SERPINA4: variants seen among roughly 807,000 people sequenced by gnomAD.
The protein encoded by SERPINA4 is serpin family A member 4.
SERPINA4 carries 24 observed loss-of-function variants against 25.4 expected under a neutral mutation model. The observed-to-expected ratio is 0.95, with a 90% CI of 0.69 to 1.33. The LOEUF is 1.33. Ranked by LOEUF, SERPINA4 falls within the 40% of genes most tolerant of loss-of-function variation. SERPINA4 has a pLI of 0.00. For synonymous variants in SERPINA4, 242 were observed against 223.6 expected, an observed-to-expected ratio of 1.08 and a Z score of -0.73; for missense variants, 553 against 535.8, an observed-to-expected ratio of 1.03 and a Z score of -0.32.
chr14:94,568,090 G>A (rs371420389), intron 3 of SERPINA4, 39 bp from the exon 4 acceptor site: 22 of 1,610,266 alleles, frequency 1.4e-5, no homozygotes, highest in South Asian at 8.8e-5. Context: ...ATCCTGGCTT[G>A]TTCATTAATC....
Position 94,567,014 on chromosome 14 carries a change from G to A in SERPINA4, c.694G>A (p.Asp232Asn). The change falls in exon 3 of 5, where the codon GAC becomes AAC. Residue 232 changes from aspartate to asparagine, a missense_variant. Coordinates refer to ENST00000557004, the MANE Select transcript of SERPINA4 (RefSeq NM_006215.4). ...CATTTCCTCAAGGACCACTCCCAAA[G>A]ACTTCTATGTTGATGAGAACACAAC... ...PFISSRTTPKDFYVDENTTVR... is the reference protein window; with the variant it reads ...PFISSRTTPKNFYVDENTTVR... 1 of 1,614,150 alleles carries A rather than the reference G, an allele frequency of 6.2e-7. No individual in the cohort carries two copies. The highest frequency in any genetic ancestry group is 8.5e-7 in the Non-Finnish European group (1 of 1,180,026).
intron 1 of SERPINA4, 88 bp downstream of exon 1, chr14:94,561,582 C>T (rs1480564037): frequency 3.3e-5 from 37 of 1,106,098 alleles, no homozygotes; most frequent in Admixed American, 2.0e-4. Flanking sequence ...GATAATTCTT[C>T]TGGGATATAT....
At position 94,563,627 on chromosome 14, in the gene SERPINA4, C is replaced by A. The variant is rs775255169; in HGVS notation, c.145C>A (p.Leu49Ile). 20 of 1,613,920 alleles carry A rather than the reference C, an allele frequency of 1.2e-5. No homozygotes were observed. The highest frequency in any genetic ancestry group is 1.7e-5 in the Non-Finnish European group (20 of 1,180,036). ...ILETGEGSPS[L>I]KIAPANADFA... ...GGAGACAGGTGAGGGCTCCCCCAGC[C>A]TCAAGATAGCCCCTGCCAATGCTGA... Residue 49 changes from leucine to isoleucine, a missense_variant, in exon 2 of 5, where the codon CTC becomes ATC. Leu to Ile is a conservative substitution (Grantham distance 5). Coordinates refer to ENST00000557004, the MANE Select transcript of SERPINA4 (RefSeq NM_006215.4).
At chr14:94,568,928 T>C (rs893367098) in intron 4 of SERPINA4, among the ~76,000 whole-genome samples, 3 of 150,680 alleles carry the variant, frequency 2.0e-5, no homozygotes, top group Non-Finnish European at 4.4e-5. Flanking sequence ...TGAGGCTGCA[T>C]TGGGTGCGTC....
chr14:94,563,025 A>G (rs1471190980), intron 1 of SERPINA4, among the ~76,000 whole-genome samples: 1 of 152,228 alleles, frequency 6.6e-6, no homozygotes, highest in African/African-American at 2.4e-5. Context: ...GCCATCCTCC[A>G]TGCAAAATCA....
At position 94,569,412 on chromosome 14, in the gene SERPINA4, C is replaced by T. The variant is rs143375347; in HGVS notation, c.1101C>T (p.Thr367=). 2.2e-5 allele frequency: 36 copies of T among 1,613,954 alleles called. No homozygotes were observed. Among genetic ancestry groups the T allele is most frequent in the African/African-American group, 6.7e-5 (5 of 75,032 alleles). The change falls in exon 5 of 5, where the codon ACC becomes ACT. Residue 367 remains threonine (T), a synonymous_variant. Transcript: ENST00000557004. ...CCTCCCAGAGTTTCCACAAGGCCAC[C>T]TTGGACGTGGATGAGGCTGGCACCG... ...LEASKSFHKA[T]LDVDEAGTEA...
intron 2 of SERPINA4, among the ~76,000 whole-genome samples, chr14:94,566,023 A>G (rs568797449): frequency 1.3e-5 from 2 of 152,144 alleles, no homozygotes; most frequent in Non-Finnish European, 2.9e-5. Flanking sequence ...GCCTTAGTCC[A>G]TTCACCCTAC....
At chr14:94,561,958 C>A (rs910017971) in intron 1 of SERPINA4, 4 of 1,131,160 alleles carry the variant, frequency 3.5e-6, no homozygotes, top group Non-Finnish European at 2.3e-6. Context: ...GGTCAGGGGT[C>A]AACAAACCAC....
chr14:94,564,066 T>C lies in SERPINA4; in HGVS notation c.584T>C (p.Val195Ala), dbSNP rs1413105022. 6.2e-7 allele frequency: 1 copy of C among 1,607,672 alleles called. No individual in the cohort carries two copies. Among genetic ancestry groups the C allele is most frequent in the East Asian group, 2.2e-5 (1 of 44,894 alleles). ...HVKKETRGKI[V>A]DLVSELKKDV... ...AAGAAGGAAACTCGAGGGAAGATTGTGGATTTGGTCAGTGAGCTCAAGAAG... is the reference window on the plus strand; with the variant it reads ...AAGAAGGAAACTCGAGGGAAGATTGCGGATTTGGTCAGTGAGCTCAAGAAG... The change falls in exon 2 of 5, where the codon GTG becomes GCG. Residue 195 changes from valine to alanine, a missense_variant. Transcript: ENST00000557004.
intron 4 of SERPINA4, among the ~76,000 whole-genome samples, chr14:94,568,874 A>AAAAAAG: frequency 6.8e-6 from 1 of 146,196 alleles, no homozygotes; most frequent in Non-Finnish European, 1.5e-5. Flanking sequence ...TCTCAAAAAA[A>AAAAAAG]AAAAAAAAGA....
At position 94,568,955 on chromosome 14, in the gene SERPINA4, T is replaced by C. The variant is rs1402499556; in HGVS notation, c.1084-440T>C. 3.3e-5 allele frequency among the ~76,000 whole-genome samples: 5 copies of C among 151,984 alleles called. No individual in the cohort carries two copies. The East Asian group carries it at 7.7e-4, about 23-fold the overall frequency. On this transcript the variant is annotated intron_variant, in intron 4 of 4. Transcript: ENST00000557004. ...GGGTGCGTCTGTATTAGGGAGACTT[T>C]GCAGATAAGAGAAAGAGACTCAAGA...
chr14:94,568,010 G>A, intron 3 of SERPINA4, 119 bp from the exon 4 acceptor site: 2 of 993,620 alleles, frequency 2.0e-6, no homozygotes, highest in South Asian at 1.6e-5. Context: ...GAAGCTGTTT[G>A]TGGGGACAGA....
intron 2 of SERPINA4, among the ~76,000 whole-genome samples, chr14:94,565,125 G>T (rs1045035313): frequency 6.6e-6 from 1 of 152,230 alleles, no homozygotes; most frequent in East Asian, 1.9e-4. Flanking sequence ...GGAAAGAAGA[G>T]TTGGAAGGAC....
intron 3 of SERPINA4, among the ~76,000 whole-genome samples, chr14:94,567,916 G>A (rs965580320): frequency 2.6e-5 from 4 of 152,344 alleles, no homozygotes; most frequent in Non-Finnish European, 5.9e-5. Flanking sequence ...GGGTTCCCAA[G>A]GACGGGAGAT....
In SERPINA4 at chr14:94,566,970, C is replaced by T; in HGVS notation, c.650C>T (p.Ala217Val). The T allele has an allele frequency of 6.2e-7, 1 of 1,612,150 alleles. No homozygotes were observed. Among genetic ancestry groups the T allele is most frequent in the Non-Finnish European group, 8.5e-7 (1 of 1,178,676 alleles). ...TACCTTCTTTTCATCTTCCCTTCAG[C>T]CCTGTGGGAGAAACCATTCATTTCC... ...MVLVNYIYFK[A>V]LWEKPFISSR... Residue 217 changes from alanine (A) to valine (V), a missense_variant and splice_region_variant, in exon 3 of 5, where the codon GCC (alanine) becomes GTC (valine). Physicochemically the swap from Ala to Val is moderately conservative, Grantham distance 64. Coordinates refer to ENST00000557004, the MANE Select transcript of SERPINA4 (RefSeq NM_006215.4).
chr14:94,564,163 C>T, intron 2 of SERPINA4, 32 bp downstream of exon 2: 3 of 1,584,290 alleles, frequency 1.9e-6, no homozygotes, highest in Non-Finnish European at 2.6e-6. Context: ...TATGCTAAAT[C>T]CACACCACCG....
intron 1 of SERPINA4, among the ~76,000 whole-genome samples, chr14:94,563,013 T>G (rs1188748927): frequency 6.6e-6 from 1 of 152,164 alleles, no homozygotes; most frequent in East Asian, 1.9e-4. Context: ...ACTCTGAGGA[T>G]AGCCATCCTC....
chr14:94,563,966 G>T lies in SERPINA4; in HGVS notation c.484G>T (p.Val162Phe). ...AAAATTCCTGAATGACACCATGGCC[G>T]TCTATGAGGCTAAACTCTTCCACAC... is the stretch of plus-strand genomic sequence containing the variant. ...LAKFLNDTMA[V>F]YEAKLFHTNF... The change falls in exon 2 of 5, where the codon GTC becomes TTC. Residue 162 changes from valine (V) to phenylalanine (F), a missense_variant. Physicochemically the swap from Val to Phe is conservative, Grantham distance 50 (BLOSUM62 -1). Coordinates refer to ENST00000557004, the MANE Select transcript of SERPINA4 (RefSeq NM_006215.4). 1.9e-6 allele frequency: 3 copies of T among 1,614,154 alleles called. No individual in the cohort carries two copies. Among genetic ancestry groups the T allele is most frequent in the South Asian group, 2.2e-5 (2 of 91,080 alleles).
At chr14:94,566,622 C>T (rs1902220589) in intron 2 of SERPINA4, among the ~76,000 whole-genome samples, 1 of 152,146 alleles carries the variant, frequency 6.6e-6, no homozygotes, top group Non-Finnish European at 1.5e-5. Context: ...GAAGGCTGAC[C>T]CCTCTGCTCA....
Sources: gnomAD v4.1 joint callset for allele counts (sites outside exome capture counted in the v4.1 genomes callset) on GRCh38, gnomAD v4.1.1 for gene constraint, MANE v1.5 for transcripts, NCBI Gene and HGNC (gene_info 2026-07-23, HGNC 2026-07-21) for gene names.